RBFOX1: variants seen among roughly 807,000 people sequenced by gnomAD.
RBFOX1 encodes RNA binding protein fox-1 homolog 1.
Under a neutral mutation model 57.7 loss-of-function variants are expected in RBFOX1, and 8 were observed. The ratio of observed to expected loss-of-function variants is 0.14; its 90% confidence interval spans 0.08 to 0.25. RBFOX1 has a LOEUF of 0.25. Among genes scored for constraint, RBFOX1 ranks in the 10% least tolerant of loss-of-function variants. The pLI is 1.00. For synonymous variants in RBFOX1, 326 were observed against 222.4 expected (o/e 1.47, Z -4.15); for missense variants, 611 against 548.5 (o/e 1.11, Z -1.14).
At position 6,808,539 on chromosome 16, in the gene RBFOX1, C is replaced by A. The variant is rs1009040634; in HGVS notation, c.-16+153889C>A. 3.9e-5 allele frequency among the ~76,000 whole-genome samples: 6 copies of A among 152,082 alleles called. No individual in the cohort carries two copies. In the South Asian group the frequency reaches 8.3e-4, roughly 21 times the overall value. ...TCTGAGATTAAGAGGGACAGGTTTG[C>A]ATACTCAACAAACATTGTCTGATGG... On this transcript the variant is annotated intron_variant, in intron 3 of 15. Transcript: ENST00000550418.
intron 3 of RBFOX1, among the ~76,000 whole-genome samples, chr16:7,012,514 A>G (rs2093700116): frequency 6.6e-6 from 1 of 152,196 alleles, no homozygotes; most frequent in African/African-American, 2.4e-5. Flanking sequence ...TGGAACAGAC[A>G]GTGAGAAAAA....
rs558385718 is a variant in RBFOX1, at chr16:7,007,417, C to T, written c.-15-44640C>T. 3.3e-5 allele frequency among the ~76,000 whole-genome samples: 5 copies of T among 152,224 alleles called. No individual in the cohort carries two copies. In the East Asian group the frequency reaches 9.7e-4, roughly 29 times the overall value. On this transcript the variant is annotated intron_variant, in intron 3 of 15. Coordinates refer to ENST00000550418, the MANE Select transcript of RBFOX1 (RefSeq NM_018723.4). ...TTTTGTGATTAGATGGGATTTTCCCCAATAATCCAGAGTCATCTCCGTATT... is the reference window on the plus strand; with the variant it reads ...TTTTGTGATTAGATGGGATTTTCCCTAATAATCCAGAGTCATCTCCGTATT...
chr16:6,988,510 T>C (rs2090775409), intron 3 of RBFOX1, among the ~76,000 whole-genome samples: 1 of 152,028 alleles, frequency 6.6e-6, no homozygotes, highest in Non-Finnish European at 1.5e-5. Flanking sequence ...ATTTTTAAAA[T>C]TAGTCTTACC....
chr16:6,943,484 G>A (rs1004066793), intron 3 of RBFOX1, among the ~76,000 whole-genome samples: 19 of 152,044 alleles, frequency 1.2e-4, no homozygotes, highest in African/African-American at 3.1e-4. Flanking sequence ...TGAGGCAGGC[G>A]GATCACAAGG....
intron 1 of RBFOX1, among the ~76,000 whole-genome samples, chr16:6,091,537 A>C (rs1045945072): frequency 2.0e-5 from 3 of 151,804 alleles, no homozygotes; most frequent in Non-Finnish European, 2.9e-5. Flanking sequence ...TTCAAAAAAA[A>C]CATTTGTTGA....
intron 3 of RBFOX1, among the ~76,000 whole-genome samples, chr16:6,842,400 C>T (rs1329207449): frequency 6.6e-6 from 1 of 152,072 alleles, no homozygotes; most frequent in African/African-American, 2.4e-5. Context: ...TTTAATCCAA[C>T]TACTTGGAGA....
At chr16:6,736,690 G>A (rs56895206) in intron 3 of RBFOX1, among the ~76,000 whole-genome samples, 14,763 of 152,200 alleles carry the variant, frequency 0.097, 953 homozygotes, top group African/African-American at 0.17. Flanking sequence ...TGGGATTGCT[G>A]GATCAAATGG....
At chr16:5,980,725 A>G (rs916654079) in intron 4 of RBFOX1, among the ~76,000 whole-genome samples, 9 of 152,108 alleles carry the variant, frequency 5.9e-5, no homozygotes, top group African/African-American at 1.9e-4. Flanking sequence ...GGTGGCCTGA[A>G]AGAGCAAATA....
chr16:6,651,522 C>T (rs1338750662), intron 2 of RBFOX1, among the ~76,000 whole-genome samples: 1 of 152,152 alleles, frequency 6.6e-6, no homozygotes, highest in African/African-American at 2.4e-5. Flanking sequence ...TCAGATCATG[C>T]CTGTCCTCTC....
At chr16:5,475,973 G>A (rs990545918) in intron 2 of RBFOX1, among the ~76,000 whole-genome samples, 1 of 152,110 alleles carries the variant, frequency 6.6e-6, no homozygotes, top group Non-Finnish European at 1.5e-5. Flanking sequence ...TTGCTCCTCT[G>A]TCAGAATTAC....
At chr16:6,628,874 C>CAA (rs151049623) in intron 2 of RBFOX1, among the ~76,000 whole-genome samples, 4 of 152,000 alleles carry the variant, frequency 2.6e-5, no homozygotes, top group South Asian at 2.1e-4. Context: ...ACTGAAAATA[C>CAA]AAAAAATTAG....
At chr16:6,928,496 C>G (rs1464443014) in intron 3 of RBFOX1, among the ~76,000 whole-genome samples, 1 of 152,126 alleles carries the variant, frequency 6.6e-6, no homozygotes, top group Non-Finnish European at 1.5e-5. Flanking sequence ...AGACTGCTTT[C>G]ATGCGTTAAT....
chr16:5,816,845 T>C (rs763994767), intron 3 of RBFOX1, among the ~76,000 whole-genome samples: 2 of 152,130 alleles, frequency 1.3e-5, no homozygotes, highest in Non-Finnish European at 2.9e-5. Flanking sequence ...CCTCTCTGTG[T>C]TCTTTGTATT....
At chr16:6,830,328 A>G (rs1169041038) in intron 3 of RBFOX1, among the ~76,000 whole-genome samples, 1 of 152,234 alleles carries the variant, frequency 6.6e-6, no homozygotes, top group Non-Finnish European at 1.5e-5. Context: ...ATTCCTGGTT[A>G]GTTCCTAACA....
At chr16:6,207,944 G>C (rs1034686712) in intron 1 of RBFOX1, among the ~76,000 whole-genome samples, 1 of 151,944 alleles carries the variant, frequency 6.6e-6, no homozygotes, top group African/African-American at 2.4e-5. Context: ...GTTTACTTCA[G>C]AATTTTTTTT....
At chr16:6,075,771 G>A (rs1163557241) in intron 1 of RBFOX1, among the ~76,000 whole-genome samples, 2 of 152,138 alleles carry the variant, frequency 1.3e-5, no homozygotes, top group Non-Finnish European at 2.9e-5. Context: ...CTTCTAATCG[G>A]TCTCCATGTC....
intron 2 of RBFOX1, among the ~76,000 whole-genome samples, chr16:6,518,304 A>G (rs1056731554): frequency 6.6e-6 from 1 of 152,150 alleles, no homozygotes; most frequent in African/African-American, 2.4e-5. Context: ...AGGAGGGGAA[A>G]AAATTATTGC....
At chr16:6,736,417 C>G (rs1168386565) in intron 3 of RBFOX1, among the ~76,000 whole-genome samples, 1 of 152,160 alleles carries the variant, frequency 6.6e-6, no homozygotes, top group Non-Finnish European at 1.5e-5. Context: ...GTTTGGTTTT[C>G]CATTCCTGAG....
intron 3 of RBFOX1, among the ~76,000 whole-genome samples, chr16:5,766,165 A>T (rs1421256090): frequency 6.6e-6 from 1 of 152,166 alleles, no homozygotes; most frequent in Non-Finnish European, 1.5e-5. Flanking sequence ...GTATTCCAGG[A>T]CTATTAGGAA....
Sources: gnomAD v4.1 joint callset for allele counts (sites outside exome capture counted in the v4.1 genomes callset) on GRCh38, gnomAD v4.1.1 for gene constraint, MANE v1.5 for transcripts, NCBI Gene and HGNC (gene_info 2026-07-23, HGNC 2026-07-21) for gene names.